The following USP34 variants were observed in gnomAD, a reference collection of about 807,000 sequenced individuals.
The protein encoded by USP34 is ubiquitin specific peptidase 34, also known as ubiquitin carboxyl-terminal hydrolase 34.
USP34 carries 70 observed loss-of-function variants against 460.3 expected under a neutral mutation model. The ratio of observed to expected loss-of-function variants is 0.15; its 90% CI spans 0.13 to 0.19. USP34 has a LOEUF of 0.19. USP34 is among the 10% of genes least tolerant of loss of function. The pLI, the probability that USP34 is intolerant of heterozygous loss-of-function variation, is 1.00. For missense variants in USP34, 3,985 were observed against 4,236.2 expected, an observed-to-expected ratio of 0.94 and a Z score of 1.65; for synonymous variants, 1,647 against 1,405.3, an observed-to-expected ratio of 1.17 and a Z score of -3.85.
At chr2:61,465,863 G>C (rs1021334966) in intron 1 of USP34, among the ~76,000 whole-genome samples, 1 of 151,966 alleles carries the variant, frequency 6.6e-6, no homozygotes, top group Non-Finnish European at 1.5e-5. Context: ...TGTAGTTCCA[G>C]CTCCTCGGGA....
At chr2:61,277,950 G>T (rs1004407702) in intron 41 of USP34, 3 of 522,532 alleles carry the variant, frequency 5.7e-6, no homozygotes, top group East Asian at 3.3e-5. Context: ...CATAAGATGC[G>T]ACTTGCTCGG....
At chr2:61,451,414 G>T (rs1420148167) in intron 1 of USP34, among the ~76,000 whole-genome samples, 1 of 151,904 alleles carries the variant, frequency 6.6e-6, no homozygotes, top group Non-Finnish European at 1.5e-5. Flanking sequence ...GCTGGGTGCG[G>T]TGGCTCACGC....
chr2:61,382,431 T>C (rs1413596974), intron 6 of USP34, among the ~76,000 whole-genome samples: 1 of 152,186 alleles, frequency 6.6e-6, no homozygotes, highest in Non-Finnish European at 1.5e-5. Flanking sequence ...ACAATACGTC[T>C]TTCTAATAAT....
rs1316776372 is a variant in USP34 at position 61,236,050 on chromosome 2, C to T, written c.6942G>A (p.Glu2314=). 20 of 1,607,380 alleles carry T rather than the reference C, an allele frequency of 1.2e-5. No homozygotes were observed. The highest frequency in any genetic ancestry group is 1.6e-5 in the Non-Finnish European group (19 of 1,178,428). ...CCTTTTCTTTAGAATGAATAAATGT[C>T]TCTAGGACAAAGGAAGTGCTTAACT... The part of the protein sequence containing the change: ...TAKLSTSFVL[E]TFIHSKEKPT... Residue 2314 remains glutamate, a synonymous_variant, in exon 56 of 80, where the codon GAG becomes GAA. Transcript: ENST00000398571.
intron 5 of USP34, among the ~76,000 whole-genome samples, chr2:61,393,152 C>G (rs1432632745): frequency 2.0e-5 from 3 of 152,138 alleles, no homozygotes; most frequent in African/African-American, 7.2e-5. Flanking sequence ...AGGCTCAGAT[C>G]ACGCAAAGTG....
intron 7 of USP34, 60 bp downstream of exon 7, chr2:61,380,109 T>C (rs1692927015): frequency 2.0e-6 from 3 of 1,477,714 alleles, no homozygotes; most frequent in Non-Finnish European, 9.2e-7. Context: ...TAGTGGGTAG[T>C]ATTATGATAG....
At chr2:61,248,162 A>G (rs926260256) in intron 49 of USP34, among the ~76,000 whole-genome samples, 1 of 149,724 alleles carries the variant, frequency 6.7e-6, no homozygotes, top group Non-Finnish European at 1.5e-5. Context: ...CCTAGGAGAC[A>G]AAATAAGACT....
At position 61,262,108 on chromosome 2, in the gene USP34, A is replaced by T. The variant is rs1350213536; in HGVS notation, c.5779-2332T>A. On this transcript the variant is annotated intron_variant, in intron 43 of 79. Transcript: ENST00000398571. ...TTCGTCAAAAAAAAAAAAAAAAAAA[A>T]AAAAAAAAATATATATATATATATA... Among the ~76,000 whole-genome samples, 467 of 90,354 alleles carry T rather than the reference A, an allele frequency of 5.2e-3. 4 individuals carry two copies. The highest frequency in any genetic ancestry group is 0.02 in the African/African-American group (444 of 22,490). The allele number at this position is 90,354 out of a possible 152,430, so 59.3% of individuals were successfully genotyped here.
intron 1 of USP34, among the ~76,000 whole-genome samples, chr2:61,460,151 T>C (rs905710227): frequency 5.3e-5 from 8 of 152,190 alleles, no homozygotes; most frequent in African/African-American, 1.9e-4. Context: ...GAAATTACAA[T>C]AGTCTCCCTT....
At chr2:61,243,110 TG>T (rs1482670319) in intron 51 of USP34, among the ~76,000 whole-genome samples, 1 of 151,934 alleles carries the variant, frequency 6.6e-6, no homozygotes, top group African/African-American at 2.4e-5. Flanking sequence ...CCTCCCAAAG[TG>T]CTGAGATTAC....
At chr2:61,355,958 A>T (rs1384178569) in intron 10 of USP34, among the ~76,000 whole-genome samples, 5 of 152,220 alleles carry the variant, frequency 3.3e-5, no homozygotes, top group Admixed American at 6.5e-5. Context: ...GGTTGGCTAT[A>T]CTAACATCAA....
chr2:61,313,733 C>T (rs534810271), intron 25 of USP34, among the ~76,000 whole-genome samples: 3 of 152,132 alleles, frequency 2.0e-5, no homozygotes, highest in Non-Finnish European at 4.4e-5. Flanking sequence ...CCATGAATTG[C>T]AATCTTAAAG....
At chr2:61,327,043 C>T (rs1197742358) in intron 20 of USP34, among the ~76,000 whole-genome samples, 1 of 151,998 alleles carries the variant, frequency 6.6e-6, no homozygotes, top group Non-Finnish European at 1.5e-5. Context: ...ACCTTGGCCT[C>T]CCAAAGTGCT....
chr2:61,339,704 G>T, intron 16 of USP34, 23 bp from the exon 17 acceptor site: 1 of 1,049,128 alleles, frequency 9.5e-7, no homozygotes, highest in South Asian at 2.2e-5. Flanking sequence ...AAAAAAAAAA[G>T]ACACACTATA....
chr2:61,301,287 T>A, intron 28 of USP34, 67 bp downstream of exon 28: 1 of 1,549,188 alleles, frequency 6.5e-7, no homozygotes, highest in Non-Finnish European at 8.8e-7. Context: ...TTAAACTACA[T>A]CTGCGACTAT....
chr2:61,327,699 A>G (rs1053859708), intron 20 of USP34, among the ~76,000 whole-genome samples: 1 of 152,180 alleles, frequency 6.6e-6, no homozygotes, highest in Admixed American at 6.5e-5. Context: ...GTACTCCCAC[A>G]GTATAGCCCC....
chr2:61,423,951 G>C (rs1237261694), intron 1 of USP34, among the ~76,000 whole-genome samples: 1 of 152,126 alleles, frequency 6.6e-6, no homozygotes, highest in Admixed American at 6.6e-5. Context: ...GCAAGATCCT[G>C]TCTCTTAAAA....
chr2:61,338,166 C>T (rs888662702), intron 18 of USP34, among the ~76,000 whole-genome samples: 1 of 152,046 alleles, frequency 6.6e-6, no homozygotes, highest in Non-Finnish European at 1.5e-5. Flanking sequence ...TATGAAAGTA[C>T]AAAAATTAGC....
intron 41 of USP34, 179 bp downstream of exon 41, chr2:61,277,986 C>G (rs1689422176): frequency 2.6e-6 from 2 of 776,798 alleles, no homozygotes; most frequent in Non-Finnish European, 3.8e-6. Flanking sequence ...CCTTCCGGCA[C>G]GATTGTGAGG....
Sources: allele counts gnomAD v4.1 joint callset (sites outside exome capture counted in the v4.1 genomes callset), GRCh38; gene constraint gnomAD v4.1.1; transcripts MANE v1.5; gene names NCBI Gene and HGNC (gene_info 2026-07-23, HGNC 2026-07-21).